FAM193A: variants seen among roughly 807,000 people sequenced by gnomAD.
FAM193A encodes the protein family with sequence similarity 193 member A, also known as protein FAM193A.
In FAM193A, 22 loss-of-function variants were observed where a neutral mutation model predicts 126.5. The ratio of observed to expected loss-of-function variants is 0.17; its 90% CI spans 0.12 to 0.25. FAM193A has a LOEUF of 0.25. FAM193A is among the 10% of genes least tolerant of loss of function. FAM193A has a pLI of 1.00. For synonymous variants in FAM193A, 761 were observed against 646.8 expected, an observed-to-expected ratio of 1.18 and a Z score of -2.68; for missense variants, 1,675 against 1,672.8, an observed-to-expected ratio of 1.00 and a Z score of -0.02.
chr4:2,719,147 A>G (rs1280506137), intron 20 of FAM193A, among the ~76,000 whole-genome samples: 2 of 152,174 alleles, frequency 1.3e-5, no homozygotes, highest in East Asian at 3.8e-4. Flanking sequence ...AAAATGAAAA[A>G]TCACAGGTTT....
intron 1 of FAM193A, among the ~76,000 whole-genome samples, chr4:2,537,554 G>A (rs1436911235): frequency 6.6e-6 from 1 of 152,240 alleles, no homozygotes; most frequent in East Asian, 1.9e-4. Flanking sequence ...GGTGATACCC[G>A]CGAGGCCCGG....
chr4:2,664,137 T>G (rs1225378877), intron 12 of FAM193A, among the ~76,000 whole-genome samples: 6 of 152,186 alleles, frequency 3.9e-5, no homozygotes, highest in African/African-American at 1.4e-4. Context: ...CCTTACCAGT[T>G]TTTTCTTCTA....
rs143608876 is a variant in FAM193A at position 2,700,148 on chromosome 4, G to A, written c.3976G>A (p.Asp1326Asn). ...GCATGAGCCACTCTCTTTTTTCTTC[G>A]ACATCATGCAGCACCATAAAGAAGG... is the stretch of plus-strand genomic sequence containing the variant. The part of the protein sequence containing the change: ...KQHEPLSFFF[D>N]IMQHHKEGNG... Residue 1326 changes from aspartate (D) to asparagine (N), a missense_variant, in exon 19 of 21, where the codon GAC (aspartate) becomes AAC (asparagine). Transcript: ENST00000637812. 9.9e-6 allele frequency: 16 copies of A among 1,613,236 alleles called. No individual in the cohort carries two copies. Among genetic ancestry groups the A allele is most frequent in the Admixed American group, 1.7e-5 (1 of 59,900 alleles).
intron 13 of FAM193A, among the ~76,000 whole-genome samples, chr4:2,683,292 T>G (rs1006425138): frequency 2.2e-4 from 33 of 152,116 alleles, no homozygotes; most frequent in African/African-American, 4.1e-4. Context: ...CTCTTTTTTT[T>G]TTTTTTGTTT....
intron 13 of FAM193A, among the ~76,000 whole-genome samples, chr4:2,678,360 GTTT>G (rs201173761): frequency 6.7e-5 from 8 of 120,158 alleles, no homozygotes; most frequent in Non-Finnish European, 1.0e-4. Context: ...GGTTTTGGTG[GTTT>G]TTTTTTTTTT....
chr4:2,584,355 G>A (rs969321198), intron 1 of FAM193A, among the ~76,000 whole-genome samples: 3 of 151,354 alleles, frequency 2.0e-5, no homozygotes, highest in African/African-American at 4.9e-5. Context: ...GAACCTGGGA[G>A]GCAGAGGTTG....
intron 19 of FAM193A, chr4:2,708,336 G>C (rs764498381): frequency 3.7e-6 from 1 of 271,714 alleles, no homozygotes; most frequent in African/African-American, 2.3e-5. Context: ...TGTTGGTCAA[G>C]TTGGTCTACA....
chr4:2,548,071 A>ATT (rs35770924), intron 1 of FAM193A, among the ~76,000 whole-genome samples: 31 of 127,786 alleles, frequency 2.4e-4, no homozygotes, highest in African/African-American at 8.3e-4. Flanking sequence ...GACTTTGCCT[A>ATT]TTTTTTTTTT....
intron 1 of FAM193A, among the ~76,000 whole-genome samples, chr4:2,543,869 CAAAAAAAAA>C (rs71178473): frequency 1.3e-4 from 9 of 71,754 alleles, no homozygotes; most frequent in East Asian, 9.6e-4. Context: ...GACATTGTCT[CAAAAAAAAA>C]AAAAAAAAAA....
intron 3 of FAM193A, among the ~76,000 whole-genome samples, chr4:2,625,847 C>T (rs576066513): frequency 4.1e-4 from 63 of 151,896 alleles, no homozygotes; most frequent in African/African-American, 1.5e-3. Context: ...CCACCTCAGT[C>T]CCGGTATCTG....
intron 2 of FAM193A, among the ~76,000 whole-genome samples, chr4:2,597,823 A>G (rs1458760943): frequency 6.6e-6 from 1 of 152,164 alleles, no homozygotes; most frequent in Non-Finnish European, 1.5e-5. Flanking sequence ...AAGCTACAGA[A>G]CATTTGCATC....
At chr4:2,706,940 G>A (rs1007594648) in intron 19 of FAM193A, among the ~76,000 whole-genome samples, 2 of 151,890 alleles carry the variant, frequency 1.3e-5, no homozygotes, top group African/African-American at 4.8e-5. Flanking sequence ...GGCCAACATG[G>A]TGAAACACCA....
At chr4:2,607,037 G>T (rs1251484277) in intron 2 of FAM193A, among the ~76,000 whole-genome samples, 2 of 152,176 alleles carry the variant, frequency 1.3e-5, no homozygotes, top group African/African-American at 4.8e-5. Context: ...AAGTAAAATT[G>T]ACATTTCACA....
In FAM193A at chr4:2,663,150, T is replaced by C; in HGVS notation, c.1941T>C (p.Ala647=). ...ISSTSSSSSE[A]DDEEADGESS... ...GTACCAGCAGTAGTTCCTCAGAAGCTGATGATGAAGAAGCGGACGGCGAGA... is the reference window on the plus strand; with the variant it reads ...GTACCAGCAGTAGTTCCTCAGAAGCCGATGATGAAGAAGCGGACGGCGAGA... Residue 647 remains alanine (A), a synonymous_variant, in exon 12 of 21, where the codon GCT becomes GCC. Transcript: ENST00000637812. 1 of 1,614,138 alleles carries C rather than the reference T, an allele frequency of 6.2e-7. No individual in the cohort carries two copies. Among genetic ancestry groups the C allele is most frequent in the Non-Finnish European group, 8.5e-7 (1 of 1,180,014 alleles).
At chr4:2,645,770 C>T (rs1745074194) in intron 6 of FAM193A, among the ~76,000 whole-genome samples, 1 of 152,028 alleles carries the variant, frequency 6.6e-6, no homozygotes, top group South Asian at 2.1e-4. Context: ...CAGGTGATCC[C>T]CTCGCCTAGG....
chr4:2,609,769 A>T (rs539350533), intron 2 of FAM193A, among the ~76,000 whole-genome samples: 2 of 152,136 alleles, frequency 1.3e-5, no homozygotes, highest in East Asian at 3.9e-4. Flanking sequence ...CTCTACTAAA[A>T]ATATAAAAAA....
At chr4:2,612,014 T>G (rs1741906583) in intron 2 of FAM193A, among the ~76,000 whole-genome samples, 2 of 151,702 alleles carry the variant, frequency 1.3e-5, no homozygotes, top group South Asian at 4.2e-4. Context: ...TTTTTTGTAT[T>G]TTTAGTAGAG....
intron 2 of FAM193A, among the ~76,000 whole-genome samples, chr4:2,620,511 C>CA (rs929986774): frequency 2.0e-5 from 3 of 152,094 alleles, no homozygotes; most frequent in African/African-American, 7.2e-5. Context: ...AGGAGATGGG[C>CA]ACCGCGCTCA....
In FAM193A at chr4:2,555,863, G is replaced by T. The variant is rs531704860; in HGVS notation, c.255+18693G>T. Among the ~76,000 whole-genome samples the T allele has an allele frequency of 3.3e-5, 5 of 151,738 alleles. No individual in the cohort carries two copies. The South Asian group carries it at 1.0e-3, about 32-fold the overall frequency. ...GATCTCCTGACCTTGTGATCCACCTGCCTCGGCCTCCCAAAGTGCTGGGAT... is the reference window on the plus strand; with the variant it reads ...GATCTCCTGACCTTGTGATCCACCTTCCTCGGCCTCCCAAAGTGCTGGGAT... On this transcript the variant is annotated intron_variant, in intron 1 of 20. Transcript: ENST00000637812.
Sources: allele counts gnomAD v4.1 joint callset (sites outside exome capture counted in the v4.1 genomes callset), GRCh38; gene constraint gnomAD v4.1.1; transcripts MANE v1.5; gene names NCBI Gene and HGNC (gene_info 2026-07-23, HGNC 2026-07-21).